The following BCORL1 variants were observed in gnomAD, a reference collection of about 807,000 sequenced individuals.
The protein encoded by BCORL1 is BCL6 corepressor like 1, also known as BCL-6 corepressor-like protein 1.
BCORL1 carries 7 observed loss-of-function variants against 87.6 expected under a neutral mutation model. The ratio of observed to expected loss-of-function variants is 0.08; its 90% CI spans 0.05 to 0.15. The LOEUF (loss-of-function observed/expected upper bound fraction) is 0.15. BCORL1 is among the 10% of genes least tolerant of loss of function. The probability of loss-of-function intolerance (pLI) is 1.00; values close to 1 mark genes in which losing one functional copy is unlikely to be tolerated. For synonymous variants in BCORL1, 591 were observed against 634.4 expected, an observed-to-expected ratio of 0.93 and a Z score of 1.03; for missense variants, 1,215 against 1,499.7, an observed-to-expected ratio of 0.81 and a Z score of 3.13.
intron 2 of BCORL1, among the ~76,000 whole-genome samples, chrX:130,006,339 T>C (rs1416910778): frequency 2.7e-5 from 3 of 110,565 alleles, no homozygotes; most frequent in Non-Finnish European, 5.7e-5. Flanking sequence ...CTGTGTGTGA[T>C]GGCTGCAGTG....
chrX:130,021,198 C>T, intron 5 of BCORL1, 48 bp downstream of exon 5: 1 of 1,168,046 alleles, frequency 8.6e-7, no homozygotes, highest in Non-Finnish European at 1.1e-6. Context: ...AGAGGGATCC[C>T]CAGGGCACAG....
chrX:130,034,922 G>T (rs761158846), intron 9 of BCORL1, among the ~76,000 whole-genome samples: 1 of 111,719 alleles, frequency 9.0e-6, no homozygotes, highest in East Asian at 2.8e-4. Context: ...GACCAGGAAC[G>T]CAATTTTTGG....
chrX:130,023,853 C>T (rs1930025238), intron 6 of BCORL1, among the ~76,000 whole-genome samples: 1 of 112,782 alleles, frequency 8.9e-6, no homozygotes, highest in South Asian at 3.6e-4. Context: ...TTAGATTAAC[C>T]AGAACACTTT....
intron 11 of BCORL1, among the ~76,000 whole-genome samples, chrX:130,047,865 C>T (rs768524999): frequency 2.7e-5 from 3 of 111,664 alleles, no homozygotes; most frequent in African/African-American, 9.8e-5. Context: ...AGAACTTATG[C>T]TCTCACTCCA....
rs1283618952 is a variant in BCORL1 at position 130,014,107 on chromosome X, G to C, written c.1335G>C (p.Pro445=). ...TTCAGCCAGGGACAGTGCTGACCCC[G>C]AGCCAGCCGCTGGTATATATCCCGC... ...LSFQPGTVLT[P]SQPLVYIPPP... The change falls in exon 4 of 14, where the codon CCG becomes CCC. Residue 445 remains proline (P), a synonymous_variant. Coordinates refer to ENST00000540052, the MANE Select transcript of BCORL1 (RefSeq NM_001379451.1). 8.3e-7 allele frequency: 1 copy of C among 1,210,477 alleles called. No individual in the cohort carries two copies. The highest frequency in any genetic ancestry group is 1.8e-5 in the South Asian group (1 of 56,864).
In BCORL1 at chrX:130,028,717, C is replaced by A; in HGVS notation, c.4161C>A (p.Asn1387Lys). ...GGAACAGGAACCTTCTCTTGCCCAA[C>A]AAAGTCCAGGGGATCTCGGATTCAC... is the stretch of plus-strand genomic sequence containing the variant. ...RLRNRNLLLP[N>K]KVQGISDSPN... Residue 1387 changes from asparagine (N) to lysine (K), a missense_variant, in exon 8 of 14, where the codon AAC (asparagine) becomes AAA (lysine). By Grantham distance (94) the Asn-to-Lys change is moderately conservative. Transcript: ENST00000540052. The A allele has an allele frequency of 1.7e-6, 2 of 1,211,057 alleles. No individual in the cohort carries two copies. The highest frequency in any genetic ancestry group is 2.2e-6 in the Non-Finnish European group (2 of 895,218).
intron 6 of BCORL1, among the ~76,000 whole-genome samples, chrX:130,023,980 T>G (rs1394461717): frequency 2.7e-5 from 3 of 112,640 alleles, no homozygotes; most frequent in Non-Finnish European, 3.7e-5. Flanking sequence ...ACCATTTCTT[T>G]CTTCTGCTGA....
At chrX:130,025,864 C>T (rs959085830) in intron 7 of BCORL1, among the ~76,000 whole-genome samples, 1 of 110,858 alleles carries the variant, frequency 9.0e-6, no homozygotes, top group Non-Finnish European at 1.9e-5. Flanking sequence ...CAAGTAGAAA[C>T]GGGCACAGCA....
At chrX:129,990,379 C>A (rs1357700926) in intron 1 of BCORL1, among the ~76,000 whole-genome samples, 1 of 110,080 alleles carries the variant, frequency 9.1e-6, no homozygotes, top group East Asian at 2.9e-4. Context: ...CTACAGGCGC[C>A]CACCACCGTG....
chrX:130,039,305 A>G (rs1344901024), intron 11 of BCORL1, 23 bp downstream of exon 11: 10 of 1,203,553 alleles, frequency 8.3e-6, no homozygotes, highest in Non-Finnish European at 1.1e-5. Flanking sequence ...CAGACTTGAC[A>G]CTGTTGTCCT....
intron 9 of BCORL1, among the ~76,000 whole-genome samples, chrX:130,035,660 C>T (rs1266397592): frequency 8.9e-6 from 1 of 112,151 alleles, no homozygotes; most frequent in African/African-American, 3.2e-5. Context: ...ACCTAGTGTG[C>T]GTGCCTGGAT....
At chrX:130,007,369 A>G (rs1290790818) in intron 2 of BCORL1, among the ~76,000 whole-genome samples, 1 of 112,757 alleles carries the variant, frequency 8.9e-6, no homozygotes, top group Non-Finnish European at 1.9e-5. Context: ...ATGTCCTCAG[A>G]TGATCACTAA....
Position 130,015,232 on chromosome X carries a change from T to C in BCORL1, c.2460T>C (p.Asn820=). ...PANIYPRCSV[N]GKPTSTQVLP... ...ATATTTATCCCCGGTGTTCAGTCAA[T>C]GGGAAACCTACCAGCACCCAGGTCC... The change falls in exon 4 of 14, where the codon AAT becomes AAC. Residue 820 remains asparagine, a synonymous_variant. Transcript: ENST00000540052. The C allele has an allele frequency of 8.3e-7, 1 of 1,212,089 alleles. No individual in the cohort carries two copies. The highest frequency in any genetic ancestry group is 1.1e-6 in the Non-Finnish European group (1 of 895,625).
chrX:130,004,481 G>C (rs1481312976), intron 1 of BCORL1, among the ~76,000 whole-genome samples: 1 of 111,102 alleles, frequency 9.0e-6, no homozygotes, highest in Non-Finnish European at 1.9e-5. Flanking sequence ...CTGACCTCAG[G>C]TGATCCACCC....
At position 130,013,932 on chromosome X, in the gene BCORL1, C is replaced by T. The variant is rs1348594293; in HGVS notation, c.1160C>T (p.Ala387Val). The change falls in exon 4 of 14, where the codon GCC (alanine) becomes GTC (valine). Residue 387 changes from alanine to valine, a missense_variant. Transcript: ENST00000540052. ...APTPVPAPTP[A>V]PIFTPAPTPM... ...ACACCGGTGCCTGCACCCACCCCAG[C>T]CCCCATCTTTACTCCAGCCCCTACA... The T allele has an allele frequency of 1.7e-6, 2 of 1,177,650 alleles. No individual in the cohort carries two copies. The highest frequency in any genetic ancestry group is 1.8e-5 in the African/African-American group (1 of 55,758).
At chrX:130,001,244 C>T (rs1928023768) in intron 1 of BCORL1, among the ~76,000 whole-genome samples, 1 of 111,454 alleles carries the variant, frequency 9.0e-6, no homozygotes, top group Non-Finnish European at 1.9e-5. Context: ...GCATGTGCCA[C>T]CATGCCCGGC....
In BCORL1 at chrX:130,009,448, ACT is replaced by A. The variant is rs753060042; in HGVS notation, c.87-3127_87-3126del. Among the ~76,000 whole-genome samples the A allele has an allele frequency of 7.1e-4, 74 of 104,064 alleles. 1 individual carries two copies. Among genetic ancestry groups the A allele is most frequent in the African/African-American group, 2.6e-3 (73 of 27,663 alleles). 90.4% of individuals were successfully genotyped at this position (104,064 alleles called of 115,157 possible). A position where few individuals can be genotyped will look rare whatever the true frequency, so the allele number is the denominator to read the frequency against. ...CTCCAGCCTGGGCAACAAGAGAGAA[ACT>A]CTGTCTAAAAGAAAGAAAAAAAAAA... On this transcript the variant is annotated intron_variant, in intron 2 of 13. Transcript: ENST00000540052.
chrX:130,025,999 G>C (rs1930224765), intron 7 of BCORL1, among the ~76,000 whole-genome samples: 1 of 111,657 alleles, frequency 9.0e-6, no homozygotes, highest in African/African-American at 3.3e-5. Flanking sequence ...AGAAAACCAG[G>C]CTTTCTCTGA....
rs767569401 is a variant in BCORL1, at chrX:130,021,147, G to A, written c.3604G>A (p.Glu1202Lys). The A allele has an allele frequency of 6.2e-5, 74 of 1,198,938 alleles. No individual in the cohort carries two copies. In the Admixed American group the frequency reaches 1.2e-3, roughly 19 times the overall value. ...SPGKRADSHE[E>K]GSLEKKAKSS... ...AGGAAAACGAGCCGACAGCCACGAG[G>A]AAGGTAGGCCCCGCGGCCCTGGCCC... The change falls in exon 5 of 14, where the codon GAA becomes AAA. Residue 1202 changes from glutamate (E) to lysine (K), a missense_variant. By Grantham distance (56) the Glu-to-Lys change is moderately conservative. Transcript: ENST00000540052.
Sources: gnomAD v4.1 joint callset for allele counts (sites outside exome capture counted in the v4.1 genomes callset) on GRCh38, gnomAD v4.1.1 for gene constraint, MANE v1.5 for transcripts, NCBI Gene and HGNC (gene_info 2026-07-23, HGNC 2026-07-21) for gene names.